The following PTPN4 variants were observed in gnomAD, a reference collection of about 807,000 sequenced individuals.
The protein encoded by PTPN4 is protein tyrosine phosphatase non-receptor type 4.
PTPN4 carries 49 observed loss-of-function variants against 135.5 expected under a neutral mutation model. That is an observed-to-expected ratio of 0.36 (90% CI 0.29 to 0.46). The LOEUF (loss-of-function observed/expected upper bound fraction) is 0.46, where lower values mean the gene tolerates loss of function less well. Ranked by LOEUF, PTPN4 falls within the 20% of genes least tolerant of loss-of-function variation. The pLI, the probability that PTPN4 is intolerant of heterozygous loss-of-function variation, is 1.00. For synonymous variants in PTPN4, 333 were observed against 369.9 expected, an observed-to-expected ratio of 0.90 and a Z score of 1.14; for missense variants, 860 against 1,101.0, an observed-to-expected ratio of 0.78 and a Z score of 3.10.
chr2:119,940,931 C>G (rs1321427969), intron 15 of PTPN4, among the ~76,000 whole-genome samples: 2 of 152,124 alleles, frequency 1.3e-5, no homozygotes, highest in African/African-American at 4.8e-5. Flanking sequence ...TAACTCAGAT[C>G]TTTTCCAGCT....
At chr2:119,833,854 C>T (rs1677253298) in intron 2 of PTPN4, among the ~76,000 whole-genome samples, 1 of 152,184 alleles carries the variant, frequency 6.6e-6, no homozygotes, top group African/African-American at 2.4e-5. Flanking sequence ...TTTCCCCCTC[C>T]TAGTCTACCT....
At chr2:119,765,938 G>C (rs565001619) in intron 1 of PTPN4, among the ~76,000 whole-genome samples, 1 of 151,938 alleles carries the variant, frequency 6.6e-6, no homozygotes, top group Non-Finnish European at 1.5e-5. Flanking sequence ...GTGTGTGCGC[G>C]CGCGCATGTG....
At chr2:119,921,543 T>G (rs559755425) in intron 12 of PTPN4, among the ~76,000 whole-genome samples, 1 of 151,852 alleles carries the variant, frequency 6.6e-6, no homozygotes, top group African/African-American at 2.4e-5. Flanking sequence ...GTAGTAACAA[T>G]TAAACAGAAT....
Position 119,809,947 on chromosome 2 carries a change from A to G in PTPN4, c.94A>G (p.Asn32Asp), listed in dbSNP as rs766410710. ...RDRQHTEVVC[N>D]ILLLDNTVQA... Reference sequence around the variant, plus strand: ...CAGACAGCATACTGAAGTGGTTTGCAACATCCTTCTTCTGGATAACACTGT... The same window carrying G: ...CAGACAGCATACTGAAGTGGTTTGCGACATCCTTCTTCTGGATAACACTGT... The change falls in exon 2 of 27, where the codon AAC (asparagine) becomes GAC (aspartate). Residue 32 changes from asparagine to aspartate, a missense_variant. Physicochemically the swap from Asn to Asp is conservative, Grantham distance 23. Coordinates refer to ENST00000263708, the MANE Select transcript of PTPN4 (RefSeq NM_002830.4). 1.2e-6 allele frequency: 2 copies of G among 1,613,662 alleles called. No homozygotes were observed. Among genetic ancestry groups the G allele is most frequent in the Non-Finnish European group, 1.7e-6 (2 of 1,179,786 alleles).
intron 10 of PTPN4, among the ~76,000 whole-genome samples, chr2:119,902,204 A>C (rs1678415052): frequency 6.6e-6 from 1 of 152,252 alleles, no homozygotes; most frequent in Non-Finnish European, 1.5e-5. Context: ...AACCTAGAGG[A>C]ACAAGGTAAA....
intron 22 of PTPN4, among the ~76,000 whole-genome samples, chr2:119,958,867 T>C (rs972802485): frequency 4.6e-5 from 7 of 152,202 alleles, no homozygotes; most frequent in African/African-American, 1.4e-4. Flanking sequence ...ATGAGGTATA[T>C]CACATCCTTC....
At position 119,793,786 on chromosome 2, in the gene PTPN4, A is replaced by G. The variant is rs200791145; in HGVS notation, c.-17-16051A>G. On this transcript the variant is annotated intron_variant, in intron 1 of 26. Coordinates refer to ENST00000263708, the MANE Select transcript of PTPN4 (RefSeq NM_002830.4). ...TTCCTGCAACAAATGTCAAAAATCC[A>G]TGTATATTTTGCTTCTTAGGTGGTT... is the stretch of plus-strand genomic sequence containing the variant. Among the ~76,000 whole-genome samples, 8 of 141,498 alleles carry G rather than the reference A, an allele frequency of 5.7e-5. No individual in the cohort carries two copies. The East Asian group carries it at 6.2e-4, about 11-fold the overall frequency. The allele number at this position is 141,498 out of a possible 152,430, so 92.8% of individuals were successfully genotyped here.
intron 10 of PTPN4, among the ~76,000 whole-genome samples, chr2:119,912,207 T>C (rs1178138099): frequency 2.0e-5 from 3 of 152,214 alleles, no homozygotes; most frequent in Admixed American, 6.5e-5. Flanking sequence ...CTTCCATTTA[T>C]ATAAATTCTA....
At chr2:119,834,931 A>G (rs1677269222) in intron 2 of PTPN4, among the ~76,000 whole-genome samples, 1 of 152,234 alleles carries the variant, frequency 6.6e-6, no homozygotes, top group East Asian at 1.9e-4. Context: ...TTCATTAGAT[A>G]TAACTCTTAC....
chr2:119,940,972 T>C (rs1052232147), intron 15 of PTPN4, among the ~76,000 whole-genome samples: 5 of 152,210 alleles, frequency 3.3e-5, no homozygotes, highest in African/African-American at 4.8e-5. Context: ...ATGCTGGCCT[T>C]CTTTGAAAAT....
At chr2:119,840,404 T>G (rs1444230511) in intron 2 of PTPN4, among the ~76,000 whole-genome samples, 1 of 152,334 alleles carries the variant, frequency 6.6e-6, no homozygotes, top group Middle Eastern at 3.4e-3. Context: ...GGATAATGGC[T>G]TCCAGCTCCA....
At chr2:119,815,752 C>A (rs1574349149) in intron 2 of PTPN4, among the ~76,000 whole-genome samples, 2 of 152,130 alleles carry the variant, frequency 1.3e-5, no homozygotes, top group Admixed American at 1.3e-4. Flanking sequence ...AAATAGTTGG[C>A]AGCCATTAAA....
At chr2:119,962,420 C>G (rs1339009528) in intron 23 of PTPN4, among the ~76,000 whole-genome samples, 196 bp from the exon 24 acceptor site, 1 of 151,560 alleles carries the variant, frequency 6.6e-6, no homozygotes, top group African/African-American at 2.4e-5. Flanking sequence ...TGCTATTGCA[C>G]TCTAGCCTGG....
At chr2:119,802,533 T>C (rs993506326) in intron 1 of PTPN4, among the ~76,000 whole-genome samples, 2 of 152,260 alleles carry the variant, frequency 1.3e-5, no homozygotes, top group Admixed American at 6.5e-5. Context: ...TGTTAAAATA[T>C]TGGGTGAACC....
intron 7 of PTPN4, 115 bp downstream of exon 7, chr2:119,882,264 T>G (rs546940116): frequency 2.6e-6 from 3 of 1,142,978 alleles, no homozygotes; most frequent in East Asian, 4.8e-5. Context: ...AAATAGTGAC[T>G]GCAGTGGAAA....
At chr2:119,891,812 G>A (rs1304563282) in intron 9 of PTPN4, among the ~76,000 whole-genome samples, 1 of 152,096 alleles carries the variant, frequency 6.6e-6, no homozygotes, top group Non-Finnish European at 1.5e-5. Context: ...TCTATTGCTG[G>A]AGAATTATTG....
intron 9 of PTPN4, among the ~76,000 whole-genome samples, chr2:119,900,075 C>T (rs1265844500): frequency 6.6e-6 from 1 of 152,026 alleles, no homozygotes; most frequent in African/African-American, 2.4e-5. Flanking sequence ...TTTTATTCTA[C>T]CCATTCTCTC....
intron 1 of PTPN4, among the ~76,000 whole-genome samples, chr2:119,801,162 C>T (rs1691357141): frequency 6.6e-6 from 1 of 152,190 alleles, no homozygotes; most frequent in South Asian, 2.1e-4. Flanking sequence ...GATCTTGGTT[C>T]ACTGAAGCTC....
chr2:119,872,540 A>T (rs557453560), intron 3 of PTPN4, among the ~76,000 whole-genome samples: 1 of 152,280 alleles, frequency 6.6e-6, no homozygotes, highest in South Asian at 2.1e-4. Context: ...CTCCCGTCAC[A>T]TCTTTTACCC....
Sources: gnomAD v4.1 joint callset for allele counts (sites outside exome capture counted in the v4.1 genomes callset) on GRCh38, gnomAD v4.1.1 for gene constraint, MANE v1.5 for transcripts, NCBI Gene and HGNC (gene_info 2026-07-23, HGNC 2026-07-21) for gene names.